ANK3: variants seen among roughly 807,000 people sequenced by gnomAD.
ANK3 encodes the protein ankyrin-3.
In ANK3, 57 loss-of-function variants were observed where a neutral mutation model predicts 370.9. The observed-to-expected ratio is 0.15, with a 90% CI of 0.12 to 0.19. The LOEUF (loss-of-function observed/expected upper bound fraction) is 0.19. ANK3 is among the 10% of genes least tolerant of loss of function. The pLI is 1.00. For missense variants in ANK3, 4,439 were observed against 5,302.1 expected (o/e 0.84, Z 5.06); for synonymous variants, 1,929 against 1,946.3 (o/e 0.99, Z 0.23).
At chr10:60,693,271 C>G (rs924685356) in intron 1 of ANK3, among the ~76,000 whole-genome samples, 1 of 152,224 alleles carries the variant, frequency 6.6e-6, no homozygotes. Flanking sequence ...CGGAGTCTCG[C>G]TGATTGCTAG....
At chr10:60,518,868 C>G (rs1267989746) in intron 2 of ANK3, among the ~76,000 whole-genome samples, 1 of 151,728 alleles carries the variant, frequency 6.6e-6, no homozygotes, top group Admixed American at 6.6e-5. Context: ...TTTGATAATT[C>G]ATGACTTACC....
At chr10:60,625,559 T>C (rs1331779972) in intron 1 of ANK3, among the ~76,000 whole-genome samples, 1 of 152,192 alleles carries the variant, frequency 6.6e-6, no homozygotes, top group East Asian at 1.9e-4. Flanking sequence ...TTTCCCAAAG[T>C]ACCTAATTTA....
At chr10:60,381,892 A>G (rs2061600651) in intron 1 of ANK3, among the ~76,000 whole-genome samples, 1 of 152,146 alleles carries the variant, frequency 6.6e-6, no homozygotes, top group Non-Finnish European at 1.5e-5. Context: ...CTCAAGGCCC[A>G]TTCTCTTCAA....
At chr10:60,670,522 A>G (rs932108147) in intron 1 of ANK3, among the ~76,000 whole-genome samples, 4 of 152,048 alleles carry the variant, frequency 2.6e-5, no homozygotes, top group Non-Finnish European at 5.9e-5. Context: ...GGATTACTGC[A>G]ATAGGTTTCT....
At chr10:60,568,838 T>G (rs1397193051) in intron 2 of ANK3, among the ~76,000 whole-genome samples, 1 of 152,172 alleles carries the variant, frequency 6.6e-6, no homozygotes, top group Admixed American at 6.5e-5. Flanking sequence ...ATGATAGGAT[T>G]GCTGGTCATA....
At chr10:60,157,198 T>A (rs1463996797) in intron 23 of ANK3, among the ~76,000 whole-genome samples, 1 of 151,706 alleles carries the variant, frequency 6.6e-6, no homozygotes, top group Non-Finnish European at 1.5e-5. Flanking sequence ...CCACCACGCC[T>A]GGCTAATTTT....
intron 8 of ANK3, among the ~76,000 whole-genome samples, chr10:60,231,428 T>A (rs1035910078): frequency 6.6e-6 from 1 of 152,182 alleles, no homozygotes; most frequent in Non-Finnish European, 1.5e-5. Context: ...GATAAGTGTG[T>A]ACCAGATCAG....
At chr10:60,049,382 A>G (rs796535368) in intron 42 of ANK3, among the ~76,000 whole-genome samples, 33 of 152,320 alleles carry the variant, frequency 2.2e-4, no homozygotes, top group African/African-American at 7.9e-4. Context: ...AGGTCAAGAG[A>G]TCGAGACCAT....
chr10:60,169,165 G>A (rs2095705722), intron 21 of ANK3, among the ~76,000 whole-genome samples: 1 of 152,152 alleles, frequency 6.6e-6, no homozygotes. Context: ...CCCACCAACA[G>A]TGTAAAAGCA....
chr10:60,232,276 T>C (rs1309615693), intron 8 of ANK3, among the ~76,000 whole-genome samples: 1 of 152,224 alleles, frequency 6.6e-6, no homozygotes, highest in African/African-American at 2.4e-5. Flanking sequence ...CTGAAATCTG[T>C]ATATCCGGGC....
intron 7 of ANK3, among the ~76,000 whole-genome samples, chr10:60,248,092 G>A (rs113914320): frequency 0.011 from 1,723 of 152,278 alleles, 35 homozygotes; most frequent in African/African-American, 0.039. Flanking sequence ...TGTTGGACTC[G>A]GCTTGCCTCC....
At chr10:60,384,732 G>C (rs927836873) in intron 1 of ANK3, among the ~76,000 whole-genome samples, 1 of 152,194 alleles carries the variant, frequency 6.6e-6, no homozygotes, top group Non-Finnish European at 1.5e-5. Flanking sequence ...ACCCTACCTA[G>C]TGTAGAATAA....
chr10:60,328,883 A>T (rs1032452293), intron 1 of ANK3, among the ~76,000 whole-genome samples: 1 of 152,232 alleles, frequency 6.6e-6, no homozygotes, highest in Non-Finnish European at 1.5e-5. Context: ...GAAAATCTTC[A>T]ATAAAATACT....
Position 60,076,052 on chromosome 10 carries a change from G to A in ANK3, c.4829C>T (p.Pro1610Leu). 1 of 1,614,188 alleles carries A rather than the reference G, an allele frequency of 6.2e-7. No individual in the cohort carries two copies. Among genetic ancestry groups the A allele is most frequent in the Non-Finnish European group, 8.5e-7 (1 of 1,180,008 alleles). Residue 1610 changes from proline (P) to leucine (L), a missense_variant, in exon 37 of 44, where the codon CCC (proline) becomes CTC (leucine). By Grantham distance (98) the Pro-to-Leu change is moderately conservative. Coordinates refer to ENST00000280772, the MANE Select transcript of ANK3 (RefSeq NM_020987.5). Reference protein sequence around the residue: ...ARAPAVTEATPLKGLASNSTF... With the variant: ...ARAPAVTEATLLKGLASNSTF... ...AGAATTGGATGCCAGCCCTTTTAAG[G>A]GCGTAGCTTCCGTGACTGCTGGAGC...
intron 35 of ANK3, 31 bp downstream of exon 35, chr10:60,082,119 G>T: frequency 1.3e-6 from 2 of 1,575,326 alleles, no homozygotes; most frequent in Non-Finnish European, 1.7e-6. Flanking sequence ...TTCTACTTCT[G>T]ATAGAATAAA....
At chr10:60,488,287 T>G (rs2075401540) in intron 2 of ANK3, among the ~76,000 whole-genome samples, 1 of 152,180 alleles carries the variant, frequency 6.6e-6, no homozygotes, top group Non-Finnish European at 1.5e-5. Flanking sequence ...AAAGTCTAAA[T>G]GCTTGGACAA....
At chr10:60,525,326 G>C (rs1432160385) in intron 2 of ANK3, among the ~76,000 whole-genome samples, 1 of 152,042 alleles carries the variant, frequency 6.6e-6, no homozygotes, top group African/African-American at 2.4e-5. Context: ...CTGTCCTTCA[G>C]CATCTCAGAA....
chr10:60,466,155 A>T (rs1168657641), intron 2 of ANK3, among the ~76,000 whole-genome samples: 2 of 152,126 alleles, frequency 1.3e-5, no homozygotes, highest in African/African-American at 4.8e-5. Context: ...TAGAAAATAG[A>T]TTATCACTGA....
chr10:60,105,859 T>C (rs2092099246), intron 28 of ANK3, 46 bp downstream of exon 28: 17 of 1,536,320 alleles, frequency 1.1e-5, no homozygotes, highest in African/African-American at 2.8e-5. Context: ...ATTCCTTTAA[T>C]TTCTGCCTGC....
Sources: allele counts gnomAD v4.1 joint callset (sites outside exome capture counted in the v4.1 genomes callset), GRCh38; gene constraint gnomAD v4.1.1; transcripts MANE v1.5; gene names NCBI Gene and HGNC (gene_info 2026-07-23, HGNC 2026-07-21).